Variants in KYAT3 observed in about 807,000 individuals in gnomAD.
KYAT3 encodes kynurenine aminotransferase 3, also known as kynurenine--oxoglutarate transaminase 3.
A neutral mutation model predicts 59.0 loss-of-function variants in KYAT3; 50 were observed. That is an observed-to-expected ratio of 0.85 (90% CI 0.68 to 1.07). The LOEUF is 1.07. KYAT3 is among the 50% of genes least tolerant of loss of function. The pLI is 0.00. For synonymous variants in KYAT3, 148 were observed against 177.0 expected, an observed-to-expected ratio of 0.84 and a Z score of 1.30; for missense variants, 497 against 533.3, an observed-to-expected ratio of 0.93 and a Z score of 0.67.
At chr1:88,946,339 T>C (rs201857231) in intron 11 of KYAT3, among the ~76,000 whole-genome samples, 1 of 130,710 alleles carries the variant, frequency 7.7e-6, no homozygotes, top group Admixed American at 7.8e-5. Flanking sequence ...TTTTTTTTTT[T>C]AATTTAAGAG....
At chr1:88,952,716 A>T (rs1675730442) in intron 10 of KYAT3, among the ~76,000 whole-genome samples, 1 of 152,232 alleles carries the variant, frequency 6.6e-6, no homozygotes, top group Admixed American at 6.5e-5. Flanking sequence ...CCTAAGTGCA[A>T]GAACGGACTA....
At chr1:88,965,498 A>G (rs1676314244) in intron 4 of KYAT3, among the ~76,000 whole-genome samples, 1 of 152,218 alleles carries the variant, frequency 6.6e-6, no homozygotes, top group Non-Finnish European at 1.5e-5. Context: ...GAAGTGAGAC[A>G]CTACTCACAC....
intron 8 of KYAT3, among the ~76,000 whole-genome samples, chr1:88,955,573 T>G (rs924313219): frequency 1.3e-5 from 2 of 152,226 alleles, no homozygotes; most frequent in African/African-American, 4.8e-5. Context: ...ATGTTAGCAG[T>G]GACTGCAGGT....
chr1:88,934,148 T>C (rs1674967208), downstream of KYAT3, among the ~76,000 whole-genome samples: 1 of 152,134 alleles, frequency 6.6e-6, no homozygotes, highest in Non-Finnish European at 1.5e-5. Context: ...GGTAGCATAT[T>C]TTTGTTATTA....
chr1:88,951,040 CA>C, intron 10 of KYAT3, among the ~76,000 whole-genome samples: 1 of 152,132 alleles, frequency 6.6e-6, no homozygotes, highest in South Asian at 2.1e-4. Flanking sequence ...TCTCTCTGTC[CA>C]AAGGGGTTTT....
intron 11 of KYAT3, among the ~76,000 whole-genome samples, chr1:88,948,440 G>T (rs1675535268): frequency 6.6e-6 from 1 of 152,036 alleles, no homozygotes; most frequent in African/African-American, 2.4e-5. Context: ...GATTTGTATG[G>T]CATGTCAGAA....
chr1:88,942,413 T>C (rs1350099577), intron 13 of KYAT3, among the ~76,000 whole-genome samples: 2 of 152,190 alleles, frequency 1.3e-5, no homozygotes, highest in East Asian at 1.9e-4. Context: ...TTCTATTAAC[T>C]TCTTTTTTTC....
At chr1:88,929,414 C>T in the KYAT3 span, among the ~76,000 whole-genome samples, 1 of 152,186 alleles carries the variant, frequency 6.6e-6, no homozygotes, top group Non-Finnish European at 1.5e-5. Context: ...GCCTTTTGTG[C>T]ATCCCTGTAC....
chr1:88,961,326 A>G (rs967375320), intron 7 of KYAT3, 39 bp from the exon 8 acceptor site: 2 of 1,613,414 alleles, frequency 1.2e-6, no homozygotes, highest in African/African-American at 2.7e-5. Context: ...CAATTATTCA[A>G]CATGTGAGAA....
At chr1:88,983,922 GC>G (rs1677276463) in intron 2 of KYAT3, 1 of 1,455,816 alleles carries the variant, frequency 6.9e-7, no homozygotes, top group Non-Finnish European at 9.6e-7. Context: ...ACCAGTGGCG[GC>G]TGTCAGTTAG....
chr1:88,973,142 C>T lies in KYAT3; in HGVS notation c.100-3675G>A, dbSNP rs932385400. ...AGACTAAGGTGATGCTCCTACCAGC[C>T]AAGGAATGCAGAGATTTCCAGGCAA... On this transcript the variant is annotated intron_variant, in intron 2 of 13. Transcript: ENST00000260508. Among the ~76,000 whole-genome samples, 8 of 152,280 alleles carry T rather than the reference C, an allele frequency of 5.3e-5. No homozygotes were observed. In the South Asian group the frequency reaches 1.7e-3, roughly 32 times the overall value.
intron 1 of KYAT3, among the ~76,000 whole-genome samples, chr1:88,990,271 A>AAAACATAAAAAACAAACAAACAAAC (rs1553173413): frequency 6.6e-6 from 1 of 150,588 alleles, no homozygotes; most frequent in African/African-American, 2.4e-5. Flanking sequence ...TCCCGGTTAA[A>AAAACATAAAAAACAAACAAACAAAC]AAACATAAAA....
At chr1:88,957,494 T>C (rs1675965686) in intron 8 of KYAT3, among the ~76,000 whole-genome samples, 1 of 152,220 alleles carries the variant, frequency 6.6e-6, no homozygotes, top group Non-Finnish European at 1.5e-5. Flanking sequence ...CCATTTTGCA[T>C]CTTTAATGTA....
At chr1:88,975,018 C>T (rs945006520) in intron 2 of KYAT3, among the ~76,000 whole-genome samples, 1 of 152,208 alleles carries the variant, frequency 6.6e-6, no homozygotes, top group Non-Finnish European at 1.5e-5. Context: ...GTTCTTTTCA[C>T]ACTTCATAAT....
intron 8 of KYAT3, 121 bp from the exon 9 acceptor site, chr1:88,955,346 T>C (rs1293545592): frequency 4.9e-6 from 3 of 613,846 alleles, no homozygotes; most frequent in Non-Finnish European, 8.2e-6. Flanking sequence ...ATTTAGCCAG[T>C]ATAGTTATTT....
At chr1:88,925,096 GTCCTATTCTTCCTTAGAATT>G in the KYAT3 span, among the ~76,000 whole-genome samples, 1 of 152,304 alleles carries the variant, frequency 6.6e-6, no homozygotes, top group South Asian at 2.1e-4. Flanking sequence ...TTGCTATTCT[GTCCTATTCTTCCTTAGAATT>G]GGAGGAAAAT....
At chr1:88,983,563 T>G in intron 2 of KYAT3, 1 of 1,614,236 alleles carries the variant, frequency 6.2e-7, no homozygotes, top group Non-Finnish European at 8.5e-7. Context: ...CTCTTTCAAA[T>G]GATGGTTTGG....
chr1:88,983,470 G>C (rs1233934755), intron 2 of KYAT3: 1 of 1,614,072 alleles, frequency 6.2e-7, no homozygotes, highest in Admixed American at 1.7e-5. Context: ...GAGGTCCCCT[G>C]GTTCCTCCAC....
Position 88,964,863 on chromosome 1 carries a change from T to C in KYAT3, c.419A>G (p.Asn140Ser). Reference sequence around the variant, plus strand: ...CTCATCAATTAATGCTTGAATGGTGTTAAAAAGAGATCCATATGCTCCTAC... The same window carrying C: ...CTCATCAATTAATGCTTGAATGGTGCTAAAAAGAGATCCATATGCTCCTAC... Reference protein sequence around the residue: ...VTVGAYGSLFNTIQALIDEGD... With the variant: ...VTVGAYGSLFSTIQALIDEGD... Residue 140 changes from asparagine to serine, a missense_variant, in exon 5 of 14, where the codon AAC becomes AGC. Physicochemically the swap from Asn to Ser is conservative, Grantham distance 46. This residue lies in a region of KYAT3 where 469 missense variants were observed against 479.1 expected (regional missense o/e 0.98). Coordinates refer to ENST00000260508, the MANE Select transcript of KYAT3 (RefSeq NM_001008661.3). 6.2e-7 allele frequency: 1 copy of C among 1,603,308 alleles called. No individual in the cohort carries two copies. Among genetic ancestry groups the C allele is most frequent in the Non-Finnish European group, 8.5e-7 (1 of 1,176,848 alleles).
Sources: allele counts gnomAD v4.1 joint callset (sites outside exome capture counted in the v4.1 genomes callset), GRCh38; gene constraint gnomAD v4.1.1; regional missense constraint gnomAD v4.1.1; transcripts MANE v1.5; gene names NCBI Gene and HGNC (gene_info 2026-07-23, HGNC 2026-07-21).